Variants in WWOX observed in about 807,000 individuals in gnomAD.
WWOX encodes WW domain-containing oxidoreductase.
A neutral mutation model predicts 46.2 loss-of-function variants in WWOX; 69 were observed. The observed-to-expected ratio is 1.49, with a 90% confidence interval of 1.23 to 1.82. The LOEUF is 1.82. Among genes scored for constraint, WWOX ranks in the 40% most tolerant of loss-of-function variants. The probability of loss-of-function intolerance (pLI) is 0.00; values close to 1 mark genes in which losing one functional copy is unlikely to be tolerated. For missense variants in WWOX, 919 were observed against 542.6 expected (o/e 1.69, Z -6.89); for synonymous variants, 359 against 202.6 (o/e 1.77, Z -6.56).
chr16:78,972,527 CTG>C (rs1388714839), intron 8 of WWOX, among the ~76,000 whole-genome samples: 3 of 151,466 alleles, frequency 2.0e-5, no homozygotes, highest in Non-Finnish European at 4.4e-5. Flanking sequence ...CTGACCATCT[CTG>C]GGGGAGGGAG....
chr16:78,946,656 TGTCTCCACTCTGCA>T (rs2045954331), intron 8 of WWOX, among the ~76,000 whole-genome samples: 1 of 152,196 alleles, frequency 6.6e-6, no homozygotes, highest in Admixed American at 6.5e-5. Context: ...AGTGATGGCA[TGTCTCCACTCTGCA>T]GACATGTTGC....
At position 78,426,776 on chromosome 16, in the gene WWOX, G is replaced by A. The variant is rs138852443; in HGVS notation, c.791+1721G>A. Among the ~76,000 whole-genome samples, 1,149 of 152,258 alleles carry A rather than the reference G, an allele frequency of 7.5e-3. 11 individuals are homozygous for A. The highest frequency in any genetic ancestry group is 0.026 in the African/African-American group (1,074 of 41,528). On this transcript the variant is annotated intron_variant, in intron 7 of 8. Coordinates refer to ENST00000566780, the MANE Select transcript of WWOX (RefSeq NM_016373.4). Reference sequence around the variant, plus strand: ...ACTCCCAGGGTTAAGCGATTCTCCTGCCTCAGCCTTCCAAGTAGCTGGGAC... The same window carrying A: ...ACTCCCAGGGTTAAGCGATTCTCCTACCTCAGCCTTCCAAGTAGCTGGGAC...
At chr16:78,987,438 T>A (rs2046803824) in intron 8 of WWOX, among the ~76,000 whole-genome samples, 1 of 152,244 alleles carries the variant, frequency 6.6e-6, no homozygotes, top group Admixed American at 6.5e-5. Context: ...ACGTATTTTG[T>A]CCTTTTTTCT....
At chr16:78,730,260 C>G (rs755777080) in intron 8 of WWOX, among the ~76,000 whole-genome samples, 1 of 152,026 alleles carries the variant, frequency 6.6e-6, no homozygotes, top group Admixed American at 6.6e-5. Flanking sequence ...GACGTTAGTA[C>G]CTCAATTTTA....
intron 8 of WWOX, among the ~76,000 whole-genome samples, chr16:79,146,674 G>C: frequency 6.6e-6 from 1 of 152,182 alleles, no homozygotes; most frequent in East Asian, 1.9e-4. Flanking sequence ...CACTCAGCAA[G>C]TGCTTACTAA....
chr16:78,755,669 C>G (rs563981413), intron 8 of WWOX, among the ~76,000 whole-genome samples: 16 of 152,164 alleles, frequency 1.1e-4, no homozygotes, highest in Non-Finnish European at 2.4e-4. Flanking sequence ...GAGAGGAAGC[C>G]TCAGGACCCT....
At chr16:78,174,489 A>G (rs745825393) in intron 5 of WWOX, among the ~76,000 whole-genome samples, 6 of 152,168 alleles carry the variant, frequency 3.9e-5, no homozygotes, top group Non-Finnish European at 8.8e-5. Context: ...ACAAACATTC[A>G]ATTCACAGCA....
intron 8 of WWOX, among the ~76,000 whole-genome samples, chr16:79,123,804 C>G (rs1377842933): frequency 3.9e-5 from 6 of 152,120 alleles, no homozygotes; most frequent in African/African-American, 9.7e-5. Context: ...AATCCCAGGA[C>G]AATTCATATC....
At chr16:78,827,679 A>T (rs934399478) in intron 8 of WWOX, among the ~76,000 whole-genome samples, 7 of 151,398 alleles carry the variant, frequency 4.6e-5, no homozygotes, top group South Asian at 2.1e-4. Context: ...CTAAAAATAA[A>T]AAAAAAAAAA....
intron 5 of WWOX, among the ~76,000 whole-genome samples, chr16:78,376,510 A>AT: frequency 6.6e-6 from 1 of 152,236 alleles, no homozygotes; most frequent in East Asian, 1.9e-4. Flanking sequence ...AACCAGTTTT[A>AT]TTTTTGCAAC....
At chr16:78,813,770 G>C (rs561657804) in intron 8 of WWOX, among the ~76,000 whole-genome samples, 3 of 152,270 alleles carry the variant, frequency 2.0e-5, no homozygotes, top group African/African-American at 7.2e-5. Context: ...TGTCAGACCA[G>C]GATGAGTGGG....
rs150714225 is a variant in WWOX at position 79,048,059 on chromosome 16, A to C, written c.1057-163549A>C. Among the ~76,000 whole-genome samples, 634 of 152,220 alleles carry C rather than the reference A, an allele frequency of 4.2e-3. 5 individuals are homozygous for C. The highest frequency in any genetic ancestry group is 6.0e-3 in the Non-Finnish European group (407 of 68,016). The stretch of plus-strand genomic sequence containing the variant: ...CCCTCTGCTCCCTAAGATGCCAGGG[A>C]CTCACGTCTTCTAGGATATCAGGGG... On this transcript the variant is annotated intron_variant, in intron 8 of 8. Coordinates refer to ENST00000566780, the MANE Select transcript of WWOX (RefSeq NM_016373.4).
At chr16:78,653,055 T>A (rs1438721776) in intron 8 of WWOX, among the ~76,000 whole-genome samples, 1 of 152,242 alleles carries the variant, frequency 6.6e-6, no homozygotes, top group African/African-American at 2.4e-5. Flanking sequence ...TAGCATGAGA[T>A]AATCACTCTT....
intron 8 of WWOX, among the ~76,000 whole-genome samples, chr16:79,034,725 T>G (rs1292646426): frequency 6.6e-6 from 1 of 152,148 alleles, no homozygotes; most frequent in South Asian, 2.1e-4. Context: ...AAAATACTTC[T>G]CTGATCAGAG....
intron 8 of WWOX, among the ~76,000 whole-genome samples, chr16:78,642,710 C>G (rs75512485): frequency 6.6e-6 from 1 of 152,088 alleles, no homozygotes; most frequent in Non-Finnish European, 1.5e-5. Flanking sequence ...TATGGTATTT[C>G]TTTTGCTTCT....
At chr16:78,140,657 C>T (rs1233236450) in intron 4 of WWOX, among the ~76,000 whole-genome samples, 2 of 152,142 alleles carry the variant, frequency 1.3e-5, no homozygotes, top group Admixed American at 1.3e-4. Flanking sequence ...TACTGTTTGT[C>T]TCTGTTTTCT....
intron 8 of WWOX, among the ~76,000 whole-genome samples, chr16:78,630,144 G>A (rs1051102763): frequency 3.3e-5 from 5 of 151,848 alleles, no homozygotes; most frequent in African/African-American, 1.2e-4. Context: ...ATTGTTGAAT[G>A]AATGAATGAA....
chr16:78,135,782 G>C lies in WWOX; in HGVS notation c.409+20628G>C, dbSNP rs536344234. ...AGCAGGGAAAATGACATGTCGATCT[G>C]TGATTCCTTTTTTACTTGTCAGTCC... On this transcript the variant is annotated intron_variant, in intron 4 of 8. Coordinates refer to ENST00000566780, the MANE Select transcript of WWOX (RefSeq NM_016373.4). Among the ~76,000 whole-genome samples, 57 of 152,274 alleles carry C rather than the reference G, an allele frequency of 3.7e-4. 1 individual carries two copies. Among genetic ancestry groups the C allele is most frequent in the African/African-American group, 1.3e-3 (56 of 41,554 alleles).
intron 5 of WWOX, among the ~76,000 whole-genome samples, chr16:78,187,523 A>G (rs1290869852): frequency 6.6e-6 from 1 of 152,120 alleles, no homozygotes; most frequent in African/African-American, 2.4e-5. Context: ...GAATTGCTTG[A>G]ACCGCGGAGG....
Sources: gnomAD v4.1 joint callset for allele counts (sites outside exome capture counted in the v4.1 genomes callset) on GRCh38, gnomAD v4.1.1 for gene constraint, MANE v1.5 for transcripts, NCBI Gene and HGNC (gene_info 2026-07-23, HGNC 2026-07-21) for gene names.